TRRAP: variants seen among roughly 807,000 people sequenced by gnomAD.
TRRAP encodes the protein transformation/transcription domain associated protein.
A neutral mutation model predicts 438.8 loss-of-function variants in TRRAP; 41 were observed. That is an observed-to-expected ratio of 0.09 (90% CI 0.07 to 0.12). The LOEUF is 0.12. Ranked by LOEUF, TRRAP falls within the 10% of genes least tolerant of loss-of-function variation. The probability of loss-of-function intolerance (pLI) is 1.00; values close to 1 mark genes in which losing one functional copy is unlikely to be tolerated. For missense variants in TRRAP, 3,122 were observed against 5,055.1 expected (o/e 0.62, Z 11.60); for synonymous variants, 1,994 against 1,962.9 (o/e 1.02, Z -0.42).
At chr7:98,999,684 A>G (rs143085964) in intron 67 of TRRAP, 2 of 909,968 alleles carry the variant, frequency 2.2e-6, no homozygotes, top group Non-Finnish European at 3.6e-6. Flanking sequence ...AGGATGGATA[A>G]TCTGGTGGCA....
intron 26 of TRRAP, among the ~76,000 whole-genome samples, chr7:98,932,495 TA>T (rs1442699234): frequency 6.6e-6 from 1 of 152,142 alleles, no homozygotes; most frequent in Non-Finnish European, 1.5e-5. Context: ...TCTTTGTAAT[TA>T]AAAAATTTTT....
chr7:98,947,403 A>G (rs976118617), intron 33 of TRRAP, among the ~76,000 whole-genome samples: 3 of 151,370 alleles, frequency 2.0e-5, no homozygotes, highest in Admixed American at 6.6e-5. Context: ...TAAATAGTTA[A>G]TTTTTTGAAG....
intron 60 of TRRAP, 179 bp downstream of exon 60, chr7:98,983,638 TAGA>T (rs1365206173): frequency 2.9e-6 from 2 of 695,154 alleles, no homozygotes; most frequent in East Asian, 2.7e-5. Context: ...ATGAAGGTGG[TAGA>T]AGAAGTAAAG....
chr7:98,957,177 A>G (rs782134441), intron 43 of TRRAP, among the ~76,000 whole-genome samples: 14 of 152,140 alleles, frequency 9.2e-5, no homozygotes, highest in Non-Finnish European at 5.9e-5. Flanking sequence ...CTCTGCCGCA[A>G]ATAACTCATC....
At chr7:98,990,714 AAGT>A in intron 64 of TRRAP, 95 bp downstream of exon 64, 1 of 1,392,496 alleles carries the variant, frequency 7.2e-7, no homozygotes, top group Non-Finnish European at 9.6e-7. Flanking sequence ...TGAGTGTTCA[AAGT>A]ATTAAAAACA....
intron 22 of TRRAP, among the ~76,000 whole-genome samples, chr7:98,925,682 C>T (rs189049455): frequency 1.3e-3 from 196 of 152,338 alleles, no homozygotes; most frequent in African/African-American, 4.4e-3. Context: ...GCTCTTACCT[C>T]TTGAGACTGT....
chr7:98,978,180 A>G (rs763299247), intron 56 of TRRAP, 31 bp from the exon 57 acceptor site: 13 of 1,554,518 alleles, frequency 8.4e-6, no homozygotes, highest in Middle Eastern at 1.7e-4. Flanking sequence ...TTCTAGTTAA[A>G]CAGTGATTTA....
chr7:98,950,533 A>G (rs145388154), intron 38 of TRRAP, among the ~76,000 whole-genome samples: 1 of 152,328 alleles, frequency 6.6e-6, no homozygotes, highest in African/African-American at 2.4e-5. Context: ...AGAAAAAAAT[A>G]AAATTAGTGG....
Position 98,988,961 on chromosome 7 carries a change from G to A in TRRAP, c.9586G>A (p.Ala3196Thr), listed in dbSNP as rs755025267. Residue 3196 changes from alanine to threonine, a missense_variant, in exon 63 of 73, where the codon GCC becomes ACC. By Grantham distance (58) the Ala-to-Thr change is moderately conservative. Coordinates refer to ENST00000456197, the MANE Select transcript of TRRAP (RefSeq NM_001375524.1). ...QNESKSRKYL[A>T]KVLWLLSFDD... The stretch of plus-strand genomic sequence containing the variant: ...CGAGAGCAAATCGAGGAAATACTTA[G>A]CCAAGGTGAGACCGAAAAAACGAGC... 1.9e-6 allele frequency: 3 copies of A among 1,612,846 alleles called. No homozygotes were observed. In the South Asian group the frequency reaches 3.3e-5, roughly 18 times the overall value.
chr7:98,969,773 T>C (rs1025708036), intron 51 of TRRAP, among the ~76,000 whole-genome samples: 1 of 151,940 alleles, frequency 6.6e-6, no homozygotes, highest in Non-Finnish European at 1.5e-5. Flanking sequence ...AGGGCCACTG[T>C]GTGGAAAGAG....
At chr7:98,892,652 T>TA (rs2116308273) in intron 5 of TRRAP, 124 bp downstream of exon 5, 1 of 780,730 alleles carries the variant, frequency 1.3e-6, no homozygotes, top group South Asian at 1.9e-5. Context: ...GTCACATGAG[T>TA]AAAAATTTTT....
rs1309765530 is a variant in TRRAP at position 98,906,960 on chromosome 7, A to G, written c.1115+705A>G. Among the ~76,000 whole-genome samples the G allele has an allele frequency of 2.6e-5, 4 of 151,650 alleles. No individual in the cohort carries two copies. In the East Asian group the frequency reaches 7.7e-4, roughly 29 times the overall value. On this transcript the variant is annotated intron_variant, in intron 13 of 72. Transcript: ENST00000456197. ...AAACCTTCTGGTCCTGCACAGGGAG[A>G]TGGAGTAATGTTGCTAATATCTTAA...
At chr7:98,889,716 C>G (rs1554404535) in intron 3 of TRRAP, among the ~76,000 whole-genome samples, 1 of 151,742 alleles carries the variant, frequency 6.6e-6, no homozygotes, top group Admixed American at 6.6e-5. Context: ...CAATGCCCAG[C>G]TTTTTAAAAA....
chr7:98,888,121 T>G lies in TRRAP; in HGVS notation c.151-2214T>G, dbSNP rs560944009. The stretch of plus-strand genomic sequence containing the variant: ...GGCGGGCGCCTGTAGTCCCAGCTAC[T>G]TGGGAGGCTGAGGCAGGAGAATGGC... On this transcript the variant is annotated intron_variant, in intron 3 of 72. Transcript: ENST00000456197. 5.3e-5 allele frequency among the ~76,000 whole-genome samples: 8 copies of G among 152,138 alleles called. No homozygotes were observed. In the South Asian group the frequency reaches 1.0e-3, roughly 20 times the overall value.
At position 98,949,854 on chromosome 7, in the gene TRRAP, T is replaced by C; in HGVS notation, c.5135+13T>C. The C allele has an allele frequency of 6.2e-7, 1 of 1,609,764 alleles. No homozygotes were observed. The highest frequency in any genetic ancestry group is 1.1e-5 in the South Asian group (1 of 90,432). ...TGAACTACTGCAAGTGGGTGCCTCC[T>C]CCCGCCCTGCCCCGCGGGACTGGCT... On this transcript the variant is annotated intron_variant, in intron 37 of 72. Coordinates refer to ENST00000456197, the MANE Select transcript of TRRAP (RefSeq NM_001375524.1).
chr7:98,938,143 C>A (rs1790636041), intron 30 of TRRAP, among the ~76,000 whole-genome samples: 1 of 152,156 alleles, frequency 6.6e-6, no homozygotes, highest in Non-Finnish European at 1.5e-5. Context: ...CCACTGCACT[C>A]CAGCCTGGGC....
intron 45 of TRRAP, among the ~76,000 whole-genome samples, chr7:98,960,257 G>GT (rs994753683): frequency 1.3e-5 from 2 of 152,132 alleles, no homozygotes; most frequent in Non-Finnish European, 2.9e-5. Context: ...TTTGGTGGCT[G>GT]TTTTTTTGCT....
chr7:98,985,194 G>T, intron 62 of TRRAP, 150 bp downstream of exon 62: 1 of 554,410 alleles, frequency 1.8e-6, no homozygotes, highest in Non-Finnish European at 3.2e-6. Flanking sequence ...CTGCACCTCT[G>T]CAAAAAGAGT....
Position 99,010,501 on chromosome 7 carries a change from G to A in TRRAP, c.10939-551G>A, listed in dbSNP as rs556143751. ...TAAGCTGGGAAAAGACCCCGTAGAT[G>A]GCCTGTACCAGATGGTCGAACGGGA... On this transcript the variant is annotated intron_variant, in intron 70 of 72. Transcript: ENST00000456197. Among the ~76,000 whole-genome samples, 58 of 152,304 alleles carry A rather than the reference G, an allele frequency of 3.8e-4. 1 individual carries two copies. The South Asian group carries it at 7.1e-3, about 19-fold the overall frequency.
Sources: allele counts gnomAD v4.1 joint callset (sites outside exome capture counted in the v4.1 genomes callset), GRCh38; gene constraint gnomAD v4.1.1; transcripts MANE v1.5; gene names NCBI Gene and HGNC (gene_info 2026-07-23, HGNC 2026-07-21).